Variants in TNFSF4 observed in about 807,000 individuals in gnomAD.
The protein encoded by TNFSF4 is tumor necrosis factor ligand superfamily member 4.
TNFSF4 carries 4 observed loss-of-function variants against 7.3 expected under a neutral mutation model. The ratio of observed to expected loss-of-function variants is 0.55; its 90% CI spans 0.27 to 1.25. The LOEUF is 1.25. Ranked by LOEUF, TNFSF4 falls within the 50% of genes most tolerant of loss-of-function variation. The pLI is 0.12. For synonymous variants in TNFSF4, 76 were observed against 83.7 expected (o/e 0.91, Z 0.50); for missense variants, 181 against 208.8 (o/e 0.87, Z 0.82).
chr1:173,292,976 T>A, the TNFSF4 span, among the ~76,000 whole-genome samples: 1 of 152,022 alleles, frequency 6.6e-6, no homozygotes, highest in Non-Finnish European at 1.5e-5. Context: ...AAAATACTGC[T>A]GAAAGAAATC....
chr1:173,194,231 A>G (rs1649602820), intron 1 of TNFSF4, among the ~76,000 whole-genome samples: 1 of 152,208 alleles, frequency 6.6e-6, no homozygotes, highest in Non-Finnish European at 1.5e-5. Flanking sequence ...TGGTTGTCAT[A>G]TTATTTGGTA....
chr1:173,398,888 T>C, the TNFSF4 span, among the ~76,000 whole-genome samples: 17 of 152,352 alleles, frequency 1.1e-4, no homozygotes, highest in Non-Finnish European at 2.2e-4. Flanking sequence ...ATTCTCATTT[T>C]GGTGTGTTGC....
At chr1:173,445,949 C>G in the TNFSF4 span, among the ~76,000 whole-genome samples, 3 of 152,176 alleles carry the variant, frequency 2.0e-5, no homozygotes, top group South Asian at 6.2e-4. Context: ...CTGAACAAAA[C>G]CAGTGTGATT....
chr1:173,232,270 G>A, the TNFSF4 span, among the ~76,000 whole-genome samples: 402 of 152,212 alleles, frequency 2.6e-3, 2 homozygotes, highest in South Asian at 8.1e-3. Context: ...CTCTCTGATT[G>A]TCTGTTATTG....
At chr1:173,206,992 G>C (rs762158537) in intron 1 of TNFSF4, 32 bp downstream of exon 1, 1 of 1,571,674 alleles carries the variant, frequency 6.4e-7, no homozygotes, top group East Asian at 2.3e-5. Flanking sequence ...GCATGAGCTG[G>C]TGGGAAAACA....
At chr1:173,361,631 T>C in the TNFSF4 span, among the ~76,000 whole-genome samples, 1 of 152,010 alleles carries the variant, frequency 6.6e-6, no homozygotes, top group Non-Finnish European at 1.5e-5. Context: ...AACACTTTCT[T>C]TTTTTTTCTT....
At chr1:173,334,070 C>A in the TNFSF4 span, among the ~76,000 whole-genome samples, 1 of 152,008 alleles carries the variant, frequency 6.6e-6, no homozygotes, top group South Asian at 2.1e-4. Context: ...CCTACTAGTT[C>A]TGTTTCTCTG....
At chr1:173,216,004 C>A in the TNFSF4 span, among the ~76,000 whole-genome samples, 2 of 152,082 alleles carry the variant, frequency 1.3e-5, no homozygotes, top group Admixed American at 6.6e-5. Flanking sequence ...AAATCAAAAT[C>A]CAGATTTTAA....
the TNFSF4 span, among the ~76,000 whole-genome samples, chr1:173,398,660 T>A: frequency 1.3e-5 from 2 of 151,948 alleles, no homozygotes; most frequent in Admixed American, 6.6e-5. Context: ...TCTCCTGACC[T>A]CGTGATCCAC....
At chr1:173,307,831 G>A in the TNFSF4 span, among the ~76,000 whole-genome samples, 4 of 151,904 alleles carry the variant, frequency 2.6e-5, no homozygotes, top group Non-Finnish European at 5.9e-5. Flanking sequence ...AAATATTTAT[G>A]AGAGTTCTTG....
At chr1:173,314,109 C>T in the TNFSF4 span, among the ~76,000 whole-genome samples, 1 of 152,032 alleles carries the variant, frequency 6.6e-6, no homozygotes, top group African/African-American at 2.4e-5. Context: ...AATAAATACA[C>T]TTAAACCCAC....
At chr1:173,309,712 T>C in the TNFSF4 span, among the ~76,000 whole-genome samples, 1 of 151,922 alleles carries the variant, frequency 6.6e-6, no homozygotes, top group South Asian at 2.1e-4. Flanking sequence ...GAGTTGAGAT[T>C]GTTCCCTTTC....
Position 173,195,999 on chromosome 1 carries a change from C to T in TNFSF4, c.154-7430G>A, listed in dbSNP as rs1023522095. ...ATCTGAGAGATCATGAAAGCATGAC[C>T]TCACAAGCTCTCAGGGTGTGTCTCA... On this transcript the variant is annotated intron_variant, in intron 1 of 2. Transcript: ENST00000281834. Among the ~76,000 whole-genome samples the T allele has an allele frequency of 6.6e-5, 10 of 152,038 alleles. No individual in the cohort carries two copies. The South Asian group carries it at 1.4e-3, about 22-fold the overall frequency.
the TNFSF4 span, among the ~76,000 whole-genome samples, chr1:173,396,278 T>C: frequency 1.3e-5 from 2 of 152,142 alleles, no homozygotes; most frequent in South Asian, 2.1e-4. Context: ...GGGAGGCCGA[T>C]GTAGAAGGAT....
chr1:173,186,192 C>A lies in TNFSF4; in HGVS notation c.*324G>T. The A allele has an allele frequency of 4.3e-6, 1 of 230,888 alleles. No homozygotes were observed. Among genetic ancestry groups the A allele is most frequent in the Non-Finnish European group, 8.5e-6 (1 of 117,290 alleles). The allele number at this position is 230,888 out of a possible 1,614,324, so 14.3% of individuals were successfully genotyped here. A position where few individuals can be genotyped will look rare whatever the true frequency, so the allele number is the denominator to read the frequency against. ...TGACATAAGTTTATTATGACAATTG[C>A]CTGACCAATAGAAACAATGCATCTT... On this transcript the variant is annotated 3_prime_UTR_variant, in exon 3 of 3. Transcript: ENST00000281834.
the TNFSF4 span, among the ~76,000 whole-genome samples, chr1:173,343,444 C>T: frequency 0.099 from 15,005 of 152,202 alleles, 875 homozygotes; most frequent in East Asian, 0.27. Context: ...CAGCCCAATG[C>T]GCATTCAAGG....
upstream of TNFSF4, among the ~76,000 whole-genome samples, chr1:173,208,244 T>C (rs1040392705): frequency 2.0e-5 from 3 of 152,160 alleles, no homozygotes; most frequent in African/African-American, 7.2e-5. Context: ...ACTGAGTACA[T>C]CACATGAGCC....
intron 1 of TNFSF4, among the ~76,000 whole-genome samples, chr1:173,199,362 A>G (rs1201612444): frequency 2.6e-5 from 4 of 152,224 alleles, no homozygotes; most frequent in African/African-American, 9.7e-5. Context: ...CTTTGTAGAT[A>G]GATGTAATTA....
chr1:173,374,434 T>C, the TNFSF4 span, among the ~76,000 whole-genome samples: 1 of 152,074 alleles, frequency 6.6e-6, no homozygotes, highest in Non-Finnish European at 1.5e-5. Context: ...AAATCTTAGA[T>C]TCACCACACC....
Sources: gnomAD v4.1 joint callset for allele counts (sites outside exome capture counted in the v4.1 genomes callset) on GRCh38, gnomAD v4.1.1 for gene constraint, MANE v1.5 for transcripts, NCBI Gene and HGNC (gene_info 2026-07-23, HGNC 2026-07-21) for gene names.